Variants in RANBP2 observed in about 807,000 individuals in gnomAD.
RANBP2 encodes E3 SUMO-protein ligase RanBP2.
In RANBP2, 57 loss-of-function variants were observed where a neutral mutation model predicts 303.6. The ratio of observed to expected loss-of-function variants is 0.19; its 90% confidence interval spans 0.15 to 0.23. The LOEUF (loss-of-function observed/expected upper bound fraction) is 0.23, where lower values mean the gene tolerates loss of function less well. Ranked by LOEUF, RANBP2 falls within the 10% of genes least tolerant of loss-of-function variation. The pLI is 1.00. For synonymous variants in RANBP2, 1,167 were observed against 1,301.5 expected (o/e 0.90, Z 2.23); for missense variants, 3,138 against 3,780.8 (o/e 0.83, Z 4.46).
At chr2:108,749,430 G>A (rs555170322) in intron 9 of RANBP2, among the ~76,000 whole-genome samples, 40 of 152,046 alleles carry the variant, frequency 2.6e-4, no homozygotes, top group African/African-American at 8.9e-4. Context: ...CCCAAGTAGC[G>A]GGATTACAAA....
chr2:109,349,989 G>T, the RANBP2 span, among the ~76,000 whole-genome samples: 8 of 152,222 alleles, frequency 5.3e-5, no homozygotes, highest in African/African-American at 1.9e-4. Flanking sequence ...AGAGTCAGGT[G>T]CGGGAGACAG....
chr2:108,932,816 G>A, the RANBP2 span, among the ~76,000 whole-genome samples: 1 of 152,178 alleles, frequency 6.6e-6, no homozygotes, highest in African/African-American at 2.4e-5. Flanking sequence ...AACCATAGCA[G>A]CATGGAAATG....
chr2:109,512,285 C>G, the RANBP2 span, among the ~76,000 whole-genome samples: 4 of 152,122 alleles, frequency 2.6e-5, no homozygotes, highest in African/African-American at 9.7e-5. Flanking sequence ...CCGGCCCTCC[C>G]TGCCCTGCAT....
At chr2:109,119,894 T>C in the RANBP2 span, among the ~76,000 whole-genome samples, 22 of 152,268 alleles carry the variant, frequency 1.4e-4, no homozygotes, top group African/African-American at 4.3e-4. Context: ...AAAATTGCCA[T>C]TGTTTATGAA....
chr2:109,250,968 T>C, the RANBP2 span, among the ~76,000 whole-genome samples: 1 of 152,166 alleles, frequency 6.6e-6, no homozygotes, highest in East Asian at 1.9e-4. Context: ...CATTGCATTC[T>C]GTATAGCTTT....
At chr2:109,554,312 C>T in the RANBP2 span, among the ~76,000 whole-genome samples, 8 of 152,294 alleles carry the variant, frequency 5.3e-5, no homozygotes, top group Admixed American at 3.3e-4. Context: ...AGCACTTTCA[C>T]ACCGCATTGC....
At chr2:109,106,610 G>A in the RANBP2 span, among the ~76,000 whole-genome samples, 1 of 152,064 alleles carries the variant, frequency 6.6e-6, no homozygotes. Flanking sequence ...GCTAAGATGG[G>A]TGGATCATGA....
chr2:108,806,920 A>G, the RANBP2 span, among the ~76,000 whole-genome samples: 1 of 152,336 alleles, frequency 6.6e-6, no homozygotes, highest in Non-Finnish European at 1.5e-5. Context: ...CTCAGTTGAA[A>G]GGAGCAGCAT....
At chr2:108,847,305 T>A in the RANBP2 span, among the ~76,000 whole-genome samples, 1 of 152,232 alleles carries the variant, frequency 6.6e-6, no homozygotes, top group Non-Finnish European at 1.5e-5. Flanking sequence ...AAATGAAGTT[T>A]TCTCCCACAA....
At chr2:109,132,018 A>G in the RANBP2 span, among the ~76,000 whole-genome samples, 2 of 152,348 alleles carry the variant, frequency 1.3e-5, no homozygotes, top group African/African-American at 2.4e-5. Context: ...GAGCAACCCT[A>G]TACAGTTGGT....
chr2:109,489,789 G>A, the RANBP2 span, among the ~76,000 whole-genome samples: 4 of 152,308 alleles, frequency 2.6e-5, no homozygotes, highest in Admixed American at 6.5e-5. Flanking sequence ...CCAGGCTGGA[G>A]TGCAGTGGCG....
chr2:108,858,045 A>G, the RANBP2 span, among the ~76,000 whole-genome samples: 6 of 152,206 alleles, frequency 3.9e-5, no homozygotes, highest in African/African-American at 2.4e-5. Flanking sequence ...ACCATTGTCC[A>G]GGTTACTCTC....
At chr2:109,598,895 TA>T in the RANBP2 span, among the ~76,000 whole-genome samples, 26 of 149,756 alleles carry the variant, frequency 1.7e-4, no homozygotes, top group African/African-American at 4.9e-4. Context: ...AAAATAAAAA[TA>T]AAAAAAAAAT....
the RANBP2 span, among the ~76,000 whole-genome samples, chr2:109,201,531 C>T: frequency 6.6e-6 from 1 of 152,176 alleles, no homozygotes; most frequent in African/African-American, 2.4e-5. Flanking sequence ...CTGCTAGGGT[C>T]TCCCCTCCCT....
rs1487380563 is a variant in RANBP2 at position 108,719,692 on chromosome 2, G to A, written c.72+14G>A. ...TCGCCTCGACAGGTGAGTGGGTCTC[G>A]AAGAGACCGACGGCCTCGACCTGGC... On this transcript the variant is annotated intron_variant, in intron 1 of 28. Coordinates refer to ENST00000283195, the MANE Select transcript of RANBP2 (RefSeq NM_006267.5). 1.3e-6 allele frequency: 2 copies of A among 1,594,010 alleles called. No homozygotes were observed. The highest frequency in any genetic ancestry group is 1.3e-5 in the African/African-American group (1 of 74,606).
chr2:109,341,284 T>C, the RANBP2 span, among the ~76,000 whole-genome samples: 19 of 152,350 alleles, frequency 1.2e-4, no homozygotes, highest in East Asian at 3.5e-3. Flanking sequence ...GTGATAACAG[T>C]AACAAACTTC....
the RANBP2 span, among the ~76,000 whole-genome samples, chr2:109,139,682 C>T: frequency 2.0e-5 from 3 of 152,112 alleles, no homozygotes. Flanking sequence ...TTGTTGTCCC[C>T]AGCATATCAA....
At chr2:109,059,551 G>A in the RANBP2 span, among the ~76,000 whole-genome samples, 1 of 151,690 alleles carries the variant, frequency 6.6e-6, no homozygotes, top group African/African-American at 2.4e-5. Flanking sequence ...ACTCCAGCCT[G>A]GGCAACAGAG....
the RANBP2 span, among the ~76,000 whole-genome samples, chr2:108,967,312 CAT>C: frequency 1.3e-5 from 2 of 152,100 alleles, no homozygotes; most frequent in Non-Finnish European, 2.9e-5. Context: ...AGGAAAAAAA[CAT>C]GAAGAATATC....
Sources: allele counts gnomAD v4.1 joint callset (sites outside exome capture counted in the v4.1 genomes callset), GRCh38; gene constraint gnomAD v4.1.1; transcripts MANE v1.5; gene names NCBI Gene and HGNC (gene_info 2026-07-23, HGNC 2026-07-21).